The following DEPDC5 variants were observed in gnomAD, a reference collection of about 807,000 sequenced individuals.
DEPDC5 encodes the protein DEP domain containing 5, GATOR1 subcomplex subunit.
A neutral mutation model predicts 217.3 loss-of-function variants in DEPDC5; 73 were observed. The observed-to-expected ratio is 0.34, with a 90% CI of 0.28 to 0.41. DEPDC5 has a LOEUF of 0.41. Among genes scored for constraint, DEPDC5 ranks in the 10% least tolerant of loss-of-function variants. DEPDC5 has a pLI of 1.00. For missense variants in DEPDC5, 1,675 were observed against 2,070.1 expected, an observed-to-expected ratio of 0.81 and a Z score of 3.70; for synonymous variants, 733 against 756.7, an observed-to-expected ratio of 0.97 and a Z score of 0.51.
intron 10 of DEPDC5, among the ~76,000 whole-genome samples, chr22:31,785,715 C>T (rs941051128): frequency 2.0e-5 from 3 of 151,780 alleles, no homozygotes; most frequent in Non-Finnish European, 4.4e-5. Flanking sequence ...CTTACTAAAA[C>T]CCTCAGTCAT....
chr22:31,766,490 G>A (rs2082829379), intron 5 of DEPDC5, 95 bp from the exon 6 acceptor site: 2 of 1,237,668 alleles, frequency 1.6e-6, no homozygotes, highest in Non-Finnish European at 2.3e-6. Context: ...TTTCTTTTTT[G>A]CAATAAGTTT....
intron 31 of DEPDC5, among the ~76,000 whole-genome samples, chr22:31,850,307 A>G (rs528578963): frequency 7.5e-4 from 114 of 152,090 alleles, no homozygotes; most frequent in Non-Finnish European, 1.4e-3. Flanking sequence ...AGTACTCTCA[A>G]TGCTCAATTT....
Position 31,792,821 on chromosome 22 carries a change from T to A in DEPDC5, c.767+4T>A, listed in dbSNP as rs1481943802. 6.6e-7 allele frequency: 1 copy of A among 1,523,120 alleles called. No individual in the cohort carries two copies. The highest frequency in any genetic ancestry group is 8.7e-7 in the Non-Finnish European group (1 of 1,147,090). 94.4% of individuals were successfully genotyped at this position (1,523,120 alleles called of 1,614,324 possible). On this transcript the variant is annotated splice_donor_region_variant and intron_variant, in intron 12 of 42. Coordinates refer to ENST00000651528, the MANE Select transcript of DEPDC5 (RefSeq NM_001242896.3). Reference sequence around the variant, plus strand: ...GATTCTATGAAGACTTTTACAAGTATGTTTGGGTGCTTTGCTATACTTTTT... The same window carrying A: ...GATTCTATGAAGACTTTTACAAGTAAGTTTGGGTGCTTTGCTATACTTTTT...
chr22:31,796,490 A>G (rs1891281692), intron 12 of DEPDC5, among the ~76,000 whole-genome samples: 1 of 152,130 alleles, frequency 6.6e-6, no homozygotes, highest in Non-Finnish European at 1.5e-5. Context: ...ACTATTCTCA[A>G]CAGTATTGCC....
At chr22:31,879,878 A>G (rs1315117939) in intron 38 of DEPDC5, 126 bp downstream of exon 38, 3 of 920,994 alleles carry the variant, frequency 3.3e-6, no homozygotes, top group African/African-American at 1.6e-5. Flanking sequence ...CACACAGGCC[A>G]CTGTGTCTGT....
At chr22:31,904,104 C>T (rs2093713803) in intron 41 of DEPDC5, among the ~76,000 whole-genome samples, 1 of 151,660 alleles carries the variant, frequency 6.6e-6, no homozygotes. Context: ...CTTCCTCAGC[C>T]CCTAGGCTGT....
At chr22:31,793,656 G>A (rs956363554) in intron 12 of DEPDC5, among the ~76,000 whole-genome samples, 2 of 151,806 alleles carry the variant, frequency 1.3e-5, no homozygotes, top group African/African-American at 4.8e-5. Flanking sequence ...TGCAAACTCC[G>A]CCTCCCAGGT....
At chr22:31,798,720 G>T (rs2148588883) in intron 14 of DEPDC5, 64 bp downstream of exon 14, 13 of 1,525,794 alleles carry the variant, frequency 8.5e-6, no homozygotes, top group Admixed American at 1.7e-5. Flanking sequence ...TACCGGAAAG[G>T]TGTCCTGATC....
intron 20 of DEPDC5, among the ~76,000 whole-genome samples, chr22:31,813,622 C>G (rs2088701767): frequency 4.0e-5 from 6 of 151,678 alleles, no homozygotes; most frequent in African/African-American, 1.5e-4. Context: ...CTTTTTGATC[C>G]TTCTTCCTGT....
intron 39 of DEPDC5, among the ~76,000 whole-genome samples, chr22:31,895,479 G>T (rs1016304542): frequency 1.3e-5 from 2 of 152,204 alleles, no homozygotes; most frequent in Non-Finnish European, 2.9e-5. Flanking sequence ...TTCCAGGACA[G>T]CTCCTTAACC....
chr22:31,796,091 C>A (rs1485238101), intron 12 of DEPDC5, among the ~76,000 whole-genome samples: 1 of 149,228 alleles, frequency 6.7e-6, no homozygotes, highest in Admixed American at 6.8e-5. Flanking sequence ...CACACTGCTC[C>A]ACAGTATCTT....
chr22:31,823,367 C>T (rs571270640), intron 24 of DEPDC5, among the ~76,000 whole-genome samples: 1 of 151,768 alleles, frequency 6.6e-6, no homozygotes, highest in South Asian at 2.1e-4. Context: ...CCCATCTCTA[C>T]CAAAAACACA....
In DEPDC5 at chr22:31,838,870, A is replaced by AT. The variant is rs760678416; in HGVS notation, c.2515+32dup. The AT allele has an allele frequency of 2.5e-6, 4 of 1,602,872 alleles. No individual in the cohort carries two copies. The East Asian group carries it at 6.7e-5, about 27-fold the overall frequency. ...GGTGAGTTTTTCTCCTTGGATTTCT[A>AT]TTTTTTTCTCTTCTACTGTGTATGT... On this transcript the variant is annotated intron_variant, in intron 27 of 42. Coordinates refer to ENST00000651528, the MANE Select transcript of DEPDC5 (RefSeq NM_001242896.3).
chr22:31,871,570 C>T (rs1423548015), intron 34 of DEPDC5, among the ~76,000 whole-genome samples: 1 of 152,214 alleles, frequency 6.6e-6, no homozygotes, highest in Non-Finnish European at 1.5e-5. Flanking sequence ...TGCCTTCGCT[C>T]ATGCCCTTAT....
rs765384973 is a variant in DEPDC5 at position 31,798,618 on chromosome 22, A to C, written c.908A>C (p.Gln303Pro). Residue 303 changes from glutamine (Q) to proline (P), a missense_variant, in exon 14 of 43, where the codon CAA becomes CCA. Gln to Pro is a moderately conservative substitution (Grantham distance 76, BLOSUM62 -1). Transcript: ENST00000651528. ...FPQGDNSTSA[Q>P]GNYLEAINLS... ...CAAGGAGATAATTCTACCTCAGCAC[A>C]AGGAAACTACCTGGAGGCCATCAAT... The C allele has an allele frequency of 5.0e-6, 8 of 1,611,854 alleles. No homozygotes were observed. The Admixed American group carries it at 1.2e-4, about 24-fold the overall frequency.
intron 15 of DEPDC5, 82 bp downstream of exon 15, chr22:31,802,920 T>G: frequency 6.9e-7 from 1 of 1,456,128 alleles, no homozygotes. Flanking sequence ...ACTGACTTCT[T>G]AGAGTGTGAG....
chr22:31,872,539 C>CTTAGGGTG lies in DEPDC5; in HGVS notation c.3486-712_3486-705dup, dbSNP rs543817627. Among the ~76,000 whole-genome samples the CTTAGGGTG allele has an allele frequency of 6.6e-4, 101 of 152,252 alleles. 1 individual carries two copies. In the East Asian group the frequency reaches 0.015, roughly 22 times the overall value. The stretch of plus-strand genomic sequence containing the variant: ...ATACTGGGATTCCATTCCCCATGCT[C>CTTAGGGTG]TTAGGGTGTTACCTAGTACTCTGGT... On this transcript the variant is annotated intron_variant, in intron 34 of 42. Transcript: ENST00000651528.
intron 24 of DEPDC5, among the ~76,000 whole-genome samples, chr22:31,829,805 G>A (rs2090453949): frequency 6.6e-6 from 1 of 152,156 alleles, no homozygotes; most frequent in African/African-American, 2.4e-5. Context: ...CAGAGACAGG[G>A]CAGTTGGTGT....
rs940662956 is a variant in DEPDC5 at position 31,873,349 on chromosome 22, A to G, written c.3563+17A>G. The stretch of plus-strand genomic sequence containing the variant: ...GCACCCCTCGTAAGTGGCTCACCAC[A>G]GTGTAGGGTTGGAAGGTTCCCAGAA... On this transcript the variant is annotated intron_variant, in intron 35 of 42. Coordinates refer to ENST00000651528, the MANE Select transcript of DEPDC5 (RefSeq NM_001242896.3). The G allele has an allele frequency of 6.2e-7, 1 of 1,611,228 alleles. No homozygotes were observed. Among genetic ancestry groups the G allele is most frequent in the Non-Finnish European group, 8.5e-7 (1 of 1,177,760 alleles).
Sources: gnomAD v4.1 joint callset for allele counts (sites outside exome capture counted in the v4.1 genomes callset) on GRCh38, gnomAD v4.1.1 for gene constraint, MANE v1.5 for transcripts, NCBI Gene and HGNC (gene_info 2026-07-23, HGNC 2026-07-21) for gene names.